GRIK1: variants seen among roughly 807,000 people sequenced by gnomAD.
The protein encoded by GRIK1 is glutamate receptor ionotropic, kainate 1.
A neutral mutation model predicts 105.7 loss-of-function variants in GRIK1; 69 were observed. The observed-to-expected ratio is 0.65, with a 90% CI of 0.54 to 0.80. GRIK1 has a LOEUF of 0.80. GRIK1 is among the 30% of genes least tolerant of loss of function. The pLI, the probability that GRIK1 is intolerant of heterozygous loss-of-function variation, is 0.00. For synonymous variants in GRIK1, 438 were observed against 431.3 expected, an observed-to-expected ratio of 1.02 and a Z score of -0.19; for missense variants, 1,109 against 1,167.3, an observed-to-expected ratio of 0.95 and a Z score of 0.73.
chr21:29,691,151 A>T lies in GRIK1; in HGVS notation c.287-1166T>A, dbSNP rs547965655. ...CATGGTGAAACCCCATCTCTAATAA[A>T]AATACAAAAATTAGCCAGGTGTGTT... On this transcript the variant is annotated intron_variant, in intron 2 of 17. Transcript: ENST00000327783. Among the ~76,000 whole-genome samples the T allele has an allele frequency of 7.9e-5, 12 of 151,156 alleles. No individual in the cohort carries two copies. In the East Asian group the frequency reaches 2.3e-3, roughly 29 times the overall value.
intron 3 of GRIK1, among the ~76,000 whole-genome samples, chr21:29,685,447 T>TC (rs1601448442): frequency 6.6e-6 from 1 of 152,060 alleles, no homozygotes; most frequent in African/African-American, 2.4e-5. Flanking sequence ...TAGGAGTTTT[T>TC]TTTGTTTTTT....
intron 1 of GRIK1, among the ~76,000 whole-genome samples, chr21:29,901,494 C>T (rs1344309034): frequency 6.6e-6 from 1 of 152,018 alleles, no homozygotes; most frequent in Non-Finnish European, 1.5e-5. Flanking sequence ...ATACAAACTA[C>T]CACCAGAGAA....
chr21:29,587,964 C>CTTTTTTTT (rs568648777), intron 11 of GRIK1, among the ~76,000 whole-genome samples: 2,370 of 65,410 alleles, frequency 0.036, 439 homozygotes, highest in Non-Finnish European at 0.045. Flanking sequence ...CTTTAAAATT[C>CTTTTTTTT]TTTTTTTTTT....
chr21:29,621,324 A>T (rs913105026), intron 7 of GRIK1, among the ~76,000 whole-genome samples: 58 of 152,292 alleles, frequency 3.8e-4, no homozygotes, highest in African/African-American at 1.4e-3. Context: ...AGAACACTCA[A>T]ATGTGGCACC....
rs868128080 is a variant in GRIK1, at chr21:29,939,479, C to T, written c.22G>A (p.Ala8Thr). 1.3e-6 allele frequency: 2 copies of T among 1,593,064 alleles called. No individual in the cohort carries two copies. The highest frequency in any genetic ancestry group is 1.7e-6 in the Non-Finnish European group (2 of 1,169,640). Residue 8 changes from alanine (A) to threonine (T), a missense_variant, in exon 1 of 18, where the codon GCC becomes ACC. Transcript: ENST00000327783. MEHGTLL[A>T]QPGLWTRDTS... Reference sequence around the variant, plus strand: ...TCCCTGGTCCAGAGCCCGGGCTGGGCGAGGAGTGTGCCGTGCTCCATCTTC... The same window carrying T: ...TCCCTGGTCCAGAGCCCGGGCTGGGTGAGGAGTGTGCCGTGCTCCATCTTC...
intron 1 of GRIK1, among the ~76,000 whole-genome samples, chr21:29,779,232 T>C (rs1438484882): frequency 6.6e-6 from 1 of 152,214 alleles, no homozygotes; most frequent in Non-Finnish European, 1.5e-5. Flanking sequence ...CTCAGAAAAA[T>C]ATGTCACATT....
At chr21:29,705,546 G>A (rs2063888808) in intron 1 of GRIK1, among the ~76,000 whole-genome samples, 2 of 152,176 alleles carry the variant, frequency 1.3e-5, no homozygotes, top group African/African-American at 4.8e-5. Context: ...CTCTCTTTGG[G>A]ACTGACTAAA....
chr21:29,734,754 A>G (rs2064744723), intron 1 of GRIK1, among the ~76,000 whole-genome samples: 1 of 152,056 alleles, frequency 6.6e-6, no homozygotes, highest in African/African-American at 2.4e-5. Flanking sequence ...TGAACTCAAC[A>G]TTCTTGTCAC....
chr21:29,873,916 C>T (rs112534166), intron 1 of GRIK1, among the ~76,000 whole-genome samples: 1,763 of 152,264 alleles, frequency 0.012, 39 homozygotes, highest in African/African-American at 0.04. Flanking sequence ...AACTGTTCCA[C>T]CTCAGACCAT....
chr21:29,708,213 C>T (rs1012107152), intron 1 of GRIK1, among the ~76,000 whole-genome samples: 6 of 152,080 alleles, frequency 3.9e-5, no homozygotes, highest in East Asian at 3.8e-4. Flanking sequence ...AAGTTGCATC[C>T]GTTTGATTAC....
intron 12 of GRIK1, among the ~76,000 whole-genome samples, chr21:29,585,501 C>T (rs2091111440): frequency 6.6e-6 from 1 of 152,158 alleles, no homozygotes; most frequent in Admixed American, 6.5e-5. Context: ...TGTATTTGCT[C>T]ATCAACCTCA....
At chr21:29,745,709 T>C (rs2065032134) in intron 1 of GRIK1, among the ~76,000 whole-genome samples, 1 of 152,210 alleles carries the variant, frequency 6.6e-6, no homozygotes, top group Non-Finnish European at 1.5e-5. Flanking sequence ...TTGTGCGTCC[T>C]TGACAGTTAT....
chr21:29,690,441 T>A (rs1001570026), intron 2 of GRIK1, among the ~76,000 whole-genome samples: 1 of 152,240 alleles, frequency 6.6e-6, no homozygotes, highest in African/African-American at 2.4e-5. Flanking sequence ...AACTACAAAG[T>A]GCTTTAGCTC....
At chr21:29,828,007 C>CTCTCTCTCTCTG (rs1555894937) in intron 1 of GRIK1, among the ~76,000 whole-genome samples, 49 of 124,214 alleles carry the variant, frequency 3.9e-4, no homozygotes, top group Admixed American at 1.3e-3. Flanking sequence ...CTCTCTGTCT[C>CTCTCTCTCTCTG]TCTCTGTGTG....
At chr21:29,568,958 C>A (rs1013089863) in intron 14 of GRIK1, among the ~76,000 whole-genome samples, 2 of 152,212 alleles carry the variant, frequency 1.3e-5, no homozygotes, top group Non-Finnish European at 2.9e-5. Flanking sequence ...ATTCTAAGGG[C>A]AGCCTTACCA....
In GRIK1 at chr21:29,625,764, G is replaced by A. The variant is rs77706151; in HGVS notation, c.1098+17062C>T. On this transcript the variant is annotated intron_variant, in intron 7 of 17. Coordinates refer to ENST00000327783, the MANE Select transcript of GRIK1 (RefSeq NM_001330994.2). ...CTCTTGTCTTATTAGTACAATTCCT[G>A]CCAGCACTTCCAGCACATAGTATAT... Among the ~76,000 whole-genome samples, 721 of 152,234 alleles carry A rather than the reference G, an allele frequency of 4.7e-3. 2 individuals carry two copies. The highest frequency in any genetic ancestry group is 0.016 in the African/African-American group (675 of 41,522).
chr21:29,879,289 G>A (rs1000148035), intron 1 of GRIK1, among the ~76,000 whole-genome samples: 1 of 152,026 alleles, frequency 6.6e-6, no homozygotes, highest in Non-Finnish European at 1.5e-5. Context: ...CAGGTATAGA[G>A]GTATCTATGT....
At chr21:29,936,111 A>G (rs2071743396) in intron 1 of GRIK1, among the ~76,000 whole-genome samples, 1 of 152,170 alleles carries the variant, frequency 6.6e-6, no homozygotes. Flanking sequence ...TCACTCATTG[A>G]TGTATCTAGT....
In GRIK1 at chr21:29,809,277, G is replaced by T. The variant is rs189810591; in HGVS notation, c.119-115214C>A. On this transcript the variant is annotated intron_variant, in intron 1 of 17. Coordinates refer to ENST00000327783, the MANE Select transcript of GRIK1 (RefSeq NM_001330994.2). ...AGACCACTGCAATAAAGTGAATATT[G>T]CAGTAAAGCAAGTCATGCAAATTTT... Among the ~76,000 whole-genome samples the T allele has an allele frequency of 6.4e-4, 98 of 152,250 alleles. 1 individual carries two copies. The highest frequency in any genetic ancestry group is 3.8e-3 in the Admixed American group (58 of 15,288).
Sources: allele counts gnomAD v4.1 joint callset (sites outside exome capture counted in the v4.1 genomes callset), GRCh38; gene constraint gnomAD v4.1.1; transcripts MANE v1.5; gene names NCBI Gene and HGNC (gene_info 2026-07-23, HGNC 2026-07-21).